The following RACK1 variants were observed in gnomAD, a reference collection of about 807,000 sequenced individuals.
RACK1 encodes receptor for activated C kinase 1.
Under a neutral mutation model 42.2 loss-of-function variants are expected in RACK1, and 3 were observed. The observed-to-expected ratio is 0.07, with a 90% CI of 0.03 to 0.18. The LOEUF (loss-of-function observed/expected upper bound fraction) is 0.18, where lower values mean the gene tolerates loss of function less well. RACK1 is among the 10% of genes least tolerant of loss of function. The pLI, the probability that RACK1 is intolerant of heterozygous loss-of-function variation, is 1.00. For missense variants in RACK1, 146 were observed against 403.2 expected (o/e 0.36, Z 5.46); for synonymous variants, 181 against 154.8 (o/e 1.17, Z -1.25).
chr5:181,239,449 C>T, intron 4 of RACK1, 38 bp downstream of exon 4: 1 of 1,464,376 alleles, frequency 6.8e-7, no homozygotes, highest in Non-Finnish European at 9.6e-7. Context: ...GGGAGCACAC[C>T]CTGACTGGTA....
chr5:181,237,845 A>G (rs1474068311), intron 6 of RACK1, 126 bp from the exon 7 acceptor site: 5 of 677,816 alleles, frequency 7.4e-6, no homozygotes, highest in African/African-American at 3.6e-5. Flanking sequence ...ATCAATGCCT[A>G]CATGCATTTT....
chr5:181,240,000 G>A (rs1759279444), intron 3 of RACK1, among the ~76,000 whole-genome samples: 1 of 152,096 alleles, frequency 6.6e-6, no homozygotes, highest in Non-Finnish European at 1.5e-5. Context: ...AGCCAAGATT[G>A]TGCCATTGCA....
intron 5 of RACK1, 105 bp from the exon 6 acceptor site, chr5:181,238,344 C>A (rs1759214105): frequency 1.7e-6 from 2 of 1,192,540 alleles, no homozygotes; most frequent in Non-Finnish European, 2.4e-6. Context: ...CCTCCATTAC[C>A]CCAGGCTTCT....
Position 181,238,127 on chromosome 5 carries a change from G to C in RACK1, c.749C>G (p.Ala250Gly). The change falls in exon 6 of 8, where the codon GCT (alanine) becomes GGT (glycine). Residue 250 changes from alanine to glycine, a missense_variant. Coordinates refer to ENST00000512805, the MANE Select transcript of RACK1 (RefSeq NM_006098.5). ...CFSPNRYWLCAATGPSIKIWD... is the reference protein window; with the variant it reads ...CFSPNRYWLCGATGPSIKIWD... ...GATCTTGATGCTGGGGCCTGTGGCA[G>C]CACACAGCCAGTAGCGGTTAGGGCT... 6.2e-7 allele frequency: 1 copy of C among 1,614,182 alleles called. No individual in the cohort carries two copies. Among genetic ancestry groups the C allele is most frequent in the Non-Finnish European group, 8.5e-7 (1 of 1,180,018 alleles).
At chr5:181,237,197 G>A in intron 7 of RACK1, 155 bp from the exon 8 acceptor site, 17 of 1,409,864 alleles carry the variant, frequency 1.2e-5, no homozygotes, top group Non-Finnish European at 1.7e-5. Context: ...ACAGCCTTAA[G>A]CCCCTGCAGT....
intron 4 of RACK1, 107 bp downstream of exon 4, chr5:181,239,380 A>C: frequency 1.2e-6 from 1 of 836,060 alleles, no homozygotes; most frequent in South Asian, 1.3e-5. Context: ...TGACAAGAGA[A>C]AGAGTCAACT....
chr5:181,236,925 A>C lies in RACK1; in HGVS notation c.*52T>G. The stretch of plus-strand genomic sequence containing the variant: ...TTTGCATATAAGAAAAAAAAACCTA[A>C]AAGTCAGAAAAGCCAGTTTTTTTTT... On this transcript the variant is annotated 3_prime_UTR_variant, in exon 8 of 8. Transcript: ENST00000512805. The C allele has an allele frequency of 5.1e-6, 8 of 1,554,490 alleles. No homozygotes were observed. The highest frequency in any genetic ancestry group is 6.9e-6 in the Non-Finnish European group (8 of 1,158,336).
intron 7 of RACK1, 97 bp from the exon 8 acceptor site, chr5:181,237,139 T>A: frequency 6.4e-7 from 1 of 1,572,512 alleles, no homozygotes; most frequent in Non-Finnish European, 8.6e-7. Context: ...TCCGTCCACC[T>A]TGCTCCATTG....
chr5:181,240,873 A>C (rs1183596865), intron 3 of RACK1: 2 of 150,180 alleles, frequency 1.3e-5, no homozygotes, highest in East Asian at 4.1e-4. Context: ...TCACGCTTAT[A>C]ATCCCAGCAC....
intron 3 of RACK1, chr5:181,240,115 G>C (rs921224922): frequency 3.2e-5 from 5 of 154,180 alleles, no homozygotes; most frequent in African/African-American, 1.2e-4. Context: ...CAGCACTTTA[G>C]GAAGCCAAGG....
intron 1 of RACK1, chr5:181,242,688 G>A: frequency 2.7e-6 from 1 of 369,198 alleles, no homozygotes; most frequent in East Asian, 7.6e-5. Flanking sequence ...CTCCCAAGTA[G>A]CTGGGATTAC....
rs1212919284 is a variant in RACK1, at chr5:181,236,927, A to C, written c.*50T>G. ...TGCATATAAGAAAAAAAAACCTAAAAGTCAGAAAAGCCAGTTTTTTTTTTA... is the reference window on the plus strand; with the variant it reads ...TGCATATAAGAAAAAAAAACCTAAACGTCAGAAAAGCCAGTTTTTTTTTTA... On this transcript the variant is annotated 3_prime_UTR_variant, in exon 8 of 8. Transcript: ENST00000512805. 2 of 1,554,868 alleles carry C rather than the reference A, an allele frequency of 1.3e-6. No individual in the cohort carries two copies. The highest frequency in any genetic ancestry group is 4.4e-5 in the Admixed American group (2 of 45,848).
At chr5:181,242,468 G>A (rs1429206507) in intron 1 of RACK1, 123 bp from the exon 2 acceptor site, 4 of 694,464 alleles carry the variant, frequency 5.8e-6, no homozygotes, top group Middle Eastern at 2.4e-4. Flanking sequence ...CTTAAGGAGG[G>A]ATGGAAACAA....
In RACK1 at chr5:181,243,758, T is replaced by C. The variant is rs1300904797; in HGVS notation, c.43A>G (p.Asn15Asp). The C allele has an allele frequency of 1.9e-6, 3 of 1,609,490 alleles. No individual in the cohort carries two copies. In the South Asian group the frequency reaches 3.3e-5, roughly 18 times the overall value. Residue 15 changes from asparagine to aspartate, a missense_variant, in exon 1 of 8, where the codon AAC becomes GAC. Asn to Asp is a conservative substitution (Grantham distance 23). Coordinates refer to ENST00000512805, the MANE Select transcript of RACK1 (RefSeq NM_006098.5). ...MTLRGTLKGHNGWVTQIATTP... is the reference protein window; with the variant it reads ...MTLRGTLKGHDGWVTQIATTP... Reference sequence around the variant, plus strand: ...GTAGCGATCTGGGTTACCCAGCCGTTGTGGCCCTTGAGGGTGCCACGAAGG... The same window carrying C: ...GTAGCGATCTGGGTTACCCAGCCGTCGTGGCCCTTGAGGGTGCCACGAAGG...
At chr5:181,241,410 A>G in intron 3 of RACK1, 82 bp downstream of exon 3, 1 of 1,263,134 alleles carries the variant, frequency 7.9e-7, no homozygotes. Flanking sequence ...AGCTTGGGCA[A>G]GAGTGAGACT....
At chr5:181,240,794 C>T (rs560085163) in intron 3 of RACK1, among the ~76,000 whole-genome samples, 45 of 152,316 alleles carry the variant, frequency 3.0e-4, no homozygotes, top group African/African-American at 1.0e-3. Context: ...TACCAGAGAG[C>T]TAGGATTACA....
chr5:181,242,278 C>A lies in RACK1; in HGVS notation c.177G>T (p.Leu59=). Residue 59 remains leucine, a synonymous_variant, in exon 2 of 8, where the codon CTG becomes CTT. Transcript: ENST00000512805. ...ETNYGIPQRA[L]RGHSHFVSDV... ...CACTAACAAAGTGGGAGTGACCCCG[C>A]AGAGCACGCTGTGGAATTCCATAGT... is the stretch of plus-strand genomic sequence containing the variant. The A allele has an allele frequency of 6.2e-7, 1 of 1,613,866 alleles. No homozygotes were observed. The highest frequency in any genetic ancestry group is 8.5e-7 in the Non-Finnish European group (1 of 1,179,720).
At chr5:181,237,451 C>A in intron 7 of RACK1, 158 bp downstream of exon 7, 1 of 670,042 alleles carries the variant, frequency 1.5e-6, no homozygotes, top group South Asian at 1.7e-5. Context: ...AACACATTCA[C>A]TGGCATGGCA....
intron 2 of RACK1, 142 bp from the exon 3 acceptor site, chr5:181,241,781 G>A (rs2113217138): frequency 1.1e-6 from 1 of 908,892 alleles, no homozygotes; most frequent in East Asian, 2.4e-5. Context: ...TCAAGTGACT[G>A]AGTATATGAA....
Sources: allele counts gnomAD v4.1 joint callset (sites outside exome capture counted in the v4.1 genomes callset), GRCh38; gene constraint gnomAD v4.1.1; transcripts MANE v1.5; gene names NCBI Gene and HGNC (gene_info 2026-07-23, HGNC 2026-07-21).